SEMA3A: variants seen among roughly 807,000 people sequenced by gnomAD.
SEMA3A encodes the protein semaphorin 3A, also known as semaphorin-3A.
Under a neutral mutation model 97.9 loss-of-function variants are expected in SEMA3A, and 29 were observed. The ratio of observed to expected loss-of-function variants is 0.30; its 90% CI spans 0.22 to 0.40. The LOEUF (loss-of-function observed/expected upper bound fraction) is 0.40. Ranked by LOEUF, SEMA3A falls within the 10% of genes least tolerant of loss-of-function variation. The pLI is 1.00. For missense variants in SEMA3A, 763 were observed against 951.3 expected (o/e 0.80, Z 2.60); for synonymous variants, 321 against 323.7 (o/e 0.99, Z 0.09).
intron 2 of SEMA3A, among the ~76,000 whole-genome samples, chr7:84,338,696 A>C (rs1802093566): frequency 6.6e-6 from 1 of 152,158 alleles, no homozygotes; most frequent in Non-Finnish European, 1.5e-5. Context: ...ACCATACAAG[A>C]ACACAAATCC....
chr7:84,378,751 G>T (rs1803174803), intron 1 of SEMA3A, among the ~76,000 whole-genome samples: 1 of 151,792 alleles, frequency 6.6e-6, no homozygotes, highest in South Asian at 2.1e-4. Flanking sequence ...TTAGACATGA[G>T]AATACTTTTT....
chr7:84,111,977 A>T (rs190628546), intron 3 of SEMA3A, among the ~76,000 whole-genome samples: 1 of 152,274 alleles, frequency 6.6e-6, no homozygotes, highest in Admixed American at 6.5e-5. Context: ...TCCATTCTGT[A>T]AGAGTCTCTC....
rs1220335371 is a variant in SEMA3A, at chr7:84,005,476, G to A, written c.1223C>T (p.Ala408Val). ...CATAGGAAACACTGGATTGTACATG[G>A]CTGGATGACTTCTTGCAAAGGTTAT... ...DVITFARSHP[A>V]MYNPVFPMNN... Residue 408 changes from alanine to valine, a missense_variant, in exon 11 of 17, where the codon GCC becomes GTC. Ala to Val is a moderately conservative substitution (Grantham distance 64). Coordinates refer to ENST00000265362, the MANE Select transcript of SEMA3A (RefSeq NM_006080.3). 6.2e-7 allele frequency: 1 copy of A among 1,613,858 alleles called. No individual in the cohort carries two copies. Among genetic ancestry groups the A allele is most frequent in the Admixed American group, 1.7e-5 (1 of 60,008 alleles).
chr7:84,021,092 A>C (rs1351879158), intron 6 of SEMA3A, among the ~76,000 whole-genome samples: 1 of 152,214 alleles, frequency 6.6e-6, no homozygotes, highest in African/African-American at 2.4e-5. Context: ...GTTTTTTAGC[A>C]CGATAGGGAA....
At chr7:84,170,100 T>C (rs887260583) in intron 1 of SEMA3A, among the ~76,000 whole-genome samples, 2 of 151,994 alleles carry the variant, frequency 1.3e-5, no homozygotes, top group African/African-American at 2.4e-5. Flanking sequence ...TTTGCAAAGA[T>C]GAATGATACT....
chr7:84,013,410 C>T (rs1790964527), intron 7 of SEMA3A, among the ~76,000 whole-genome samples: 1 of 152,138 alleles, frequency 6.6e-6, no homozygotes. Flanking sequence ...ATAGTTAAAG[C>T]TCACAGCTTC....
intron 1 of SEMA3A, among the ~76,000 whole-genome samples, chr7:84,409,573 T>C (rs1477912472): frequency 1.3e-5 from 2 of 152,232 alleles, no homozygotes; most frequent in Middle Eastern, 3.4e-3. Context: ...TTGTGATTCA[T>C]AGCTGAAGTT....
At chr7:84,480,899 A>G (rs1396567439) in intron 1 of SEMA3A, among the ~76,000 whole-genome samples, 1 of 152,168 alleles carries the variant, frequency 6.6e-6, no homozygotes, top group Non-Finnish European at 1.5e-5. Flanking sequence ...AAAATAAAAT[A>G]AAATAAATAA....
intron 1 of SEMA3A, among the ~76,000 whole-genome samples, chr7:84,138,230 T>G (rs1428347797): frequency 6.6e-6 from 1 of 152,128 alleles, no homozygotes; most frequent in African/African-American, 2.4e-5. Context: ...TTTTTCTTTT[T>G]TTTTAACCTA....
intron 7 of SEMA3A, among the ~76,000 whole-genome samples, chr7:84,013,724 G>A (rs543888981): frequency 6.6e-6 from 1 of 152,236 alleles, no homozygotes; most frequent in South Asian, 2.1e-4. Flanking sequence ...GCAGGTGCCT[G>A]TAATCCCAGC....
chr7:84,030,452 A>T (rs938626883), intron 6 of SEMA3A, among the ~76,000 whole-genome samples: 4 of 152,224 alleles, frequency 2.6e-5, no homozygotes, highest in East Asian at 3.9e-4. Flanking sequence ...TTATTTTTTT[A>T]AAAGTTTCAG....
chr7:84,240,913 C>T lies in SEMA3A; in HGVS notation c.-82-46245G>A, dbSNP rs542012225. On this transcript the variant is annotated intron_variant, in intron 3 of 3. Coordinates refer to the SEMA3A transcript ENST00000424555. ...GAATGATGGTTTCCAGCTTCATCCACGTCCCTTCAAAGAACATGAATTCAT... is the reference window on the plus strand; with the variant it reads ...GAATGATGGTTTCCAGCTTCATCCATGTCCCTTCAAAGAACATGAATTCAT... Among the ~76,000 whole-genome samples the T allele has an allele frequency of 1.1e-3, 161 of 152,216 alleles. 2 individuals are homozygous for T. The highest frequency in any genetic ancestry group is 1.9e-3 in the Non-Finnish European group (126 of 68,002).
intron 1 of SEMA3A, among the ~76,000 whole-genome samples, chr7:84,468,233 T>C (rs1279973578): frequency 6.6e-6 from 1 of 152,216 alleles, no homozygotes; most frequent in Non-Finnish European, 1.5e-5. Context: ...TTCTTACTTG[T>C]GCAAAGTTTT....
At chr7:84,166,660 C>G (rs1033697526) in intron 1 of SEMA3A, among the ~76,000 whole-genome samples, 2 of 151,406 alleles carry the variant, frequency 1.3e-5, no homozygotes, top group Non-Finnish European at 2.9e-5. Context: ...ATCACGAGGT[C>G]AGGAGTTCAA....
At chr7:84,316,772 T>G (rs1562900348) in intron 2 of SEMA3A, among the ~76,000 whole-genome samples, 1 of 152,048 alleles carries the variant, frequency 6.6e-6, no homozygotes, top group Non-Finnish European at 1.5e-5. Context: ...TCCAAAACTG[T>G]TAGTGGTCCA....
At chr7:84,262,548 G>A (rs1446254683) in intron 3 of SEMA3A, among the ~76,000 whole-genome samples, 4 of 152,086 alleles carry the variant, frequency 2.6e-5, no homozygotes, top group Non-Finnish European at 5.9e-5. Flanking sequence ...TATTTATTCA[G>A]TGAAACTTAT....
chr7:84,486,374 G>A (rs928690937), intron 1 of SEMA3A, among the ~76,000 whole-genome samples: 4 of 152,096 alleles, frequency 2.6e-5, no homozygotes, highest in African/African-American at 9.7e-5. Context: ...GCGACAGGGC[G>A]AGATTCTGTC....
At chr7:84,049,899 G>T in intron 5 of SEMA3A, among the ~76,000 whole-genome samples, 1 of 127,248 alleles carries the variant, frequency 7.9e-6, no homozygotes, top group Non-Finnish European at 1.6e-5. Context: ...AGAGTGTGAT[G>T]TTCCCCTTCA....
At chr7:84,226,531 C>A (rs966634146) in intron 3 of SEMA3A, among the ~76,000 whole-genome samples, 1 of 151,930 alleles carries the variant, frequency 6.6e-6, no homozygotes, top group Non-Finnish European at 1.5e-5. Flanking sequence ...TTGTTACCCA[C>A]GAGAGTAACC....
Sources: gnomAD v4.1 joint callset for allele counts (sites outside exome capture counted in the v4.1 genomes callset) on GRCh38, gnomAD v4.1.1 for gene constraint, MANE v1.5 for transcripts, NCBI Gene and HGNC (gene_info 2026-07-23, HGNC 2026-07-21) for gene names.